SEMA6A: variants seen among roughly 807,000 people sequenced by gnomAD.
The protein encoded by SEMA6A is semaphorin 6A.
SEMA6A carries 25 observed loss-of-function variants against 96.8 expected under a neutral mutation model. The ratio of observed to expected loss-of-function variants is 0.26; its 90% CI spans 0.19 to 0.36. The LOEUF (loss-of-function observed/expected upper bound fraction) is 0.36. Among genes scored for constraint, SEMA6A ranks in the 10% least tolerant of loss-of-function variants. The pLI, the probability that SEMA6A is intolerant of heterozygous loss-of-function variation, is 1.00. For synonymous variants in SEMA6A, 612 were observed against 518.0 expected, an observed-to-expected ratio of 1.18 and a Z score of -2.46; for missense variants, 1,363 against 1,323.1, an observed-to-expected ratio of 1.03 and a Z score of -0.47.
At chr5:116,475,063 C>G (rs1285824342) in intron 16 of SEMA6A, among the ~76,000 whole-genome samples, 3 of 151,906 alleles carry the variant, frequency 2.0e-5, no homozygotes, top group African/African-American at 4.8e-5. Context: ...ATTTTTTTTC[C>G]TATTACATAT....
intron 18 of SEMA6A, among the ~76,000 whole-genome samples, chr5:116,450,280 C>G (rs1754540729): frequency 6.6e-6 from 1 of 152,158 alleles, no homozygotes; most frequent in Non-Finnish European, 1.5e-5. Flanking sequence ...TTTTTCATGG[C>G]AATGAGTATT....
intron 10 of SEMA6A, among the ~76,000 whole-genome samples, chr5:116,484,668 A>G (rs541192512): frequency 2.0e-5 from 3 of 152,118 alleles, no homozygotes; most frequent in African/African-American, 4.8e-5. Context: ...CATAACAACA[A>G]CATCTTCAGG....
intron 15 of SEMA6A, 130 bp downstream of exon 15, chr5:116,477,716 C>G: frequency 3.5e-6 from 3 of 850,992 alleles, no homozygotes; most frequent in Non-Finnish European, 3.8e-6. Flanking sequence ...AGGAGAAAGG[C>G]TGACAGTCCC....
At chr5:116,495,212 A>G (rs1033005659) in intron 6 of SEMA6A, among the ~76,000 whole-genome samples, 1 of 152,218 alleles carries the variant, frequency 6.6e-6, no homozygotes, top group African/African-American at 2.4e-5. Flanking sequence ...GGCTCTTTAA[A>G]GATGTGTCAA....
At chr5:116,521,159 G>GC (rs1437417792) in intron 1 of SEMA6A, among the ~76,000 whole-genome samples, 1 of 152,176 alleles carries the variant, frequency 6.6e-6, no homozygotes, top group Non-Finnish European at 1.5e-5. Flanking sequence ...GAGACATCCA[G>GC]CATCTATACA....
intron 1 of SEMA6A, among the ~76,000 whole-genome samples, chr5:116,520,097 T>C (rs1758863861): frequency 6.6e-6 from 1 of 152,158 alleles, no homozygotes; most frequent in Admixed American, 6.6e-5. Context: ...ATTCCCACTC[T>C]GTTCCAGCCC....
chr5:116,543,398 A>G (rs1396941095), intron 1 of SEMA6A, among the ~76,000 whole-genome samples: 3 of 152,214 alleles, frequency 2.0e-5, no homozygotes, highest in African/African-American at 7.2e-5. Context: ...GATGTGTATT[A>G]AACTTCCATT....
intron 10 of SEMA6A, among the ~76,000 whole-genome samples, chr5:116,485,667 C>A (rs181209015): frequency 6.6e-6 from 1 of 152,172 alleles, no homozygotes; most frequent in East Asian, 1.9e-4. Context: ...CATTTTGGTG[C>A]CTGTCATTTA....
At chr5:116,515,349 G>T (rs374535592) in intron 1 of SEMA6A, among the ~76,000 whole-genome samples, 5 of 152,186 alleles carry the variant, frequency 3.3e-5, no homozygotes, top group Non-Finnish European at 7.3e-5. Flanking sequence ...CAGAGAAGAA[G>T]GGGTGGGGGA....
intron 16 of SEMA6A, 41 bp downstream of exon 16, chr5:116,475,504 T>C: frequency 6.9e-7 from 1 of 1,449,040 alleles, no homozygotes; most frequent in East Asian, 2.4e-5. Context: ...ACTGAAAGCA[T>C]CTTTGCCCAA....
chr5:116,568,951 A>ACT (rs1437829737), intron 1 of SEMA6A, among the ~76,000 whole-genome samples: 1 of 152,204 alleles, frequency 6.6e-6, no homozygotes, highest in Admixed American at 6.5e-5. Flanking sequence ...TAAAATAAAG[A>ACT]CTAGTTGTTT....
At chr5:116,548,920 G>T (rs1260248296) in intron 1 of SEMA6A, among the ~76,000 whole-genome samples, 1 of 152,168 alleles carries the variant, frequency 6.6e-6, no homozygotes, top group Non-Finnish European at 1.5e-5. Flanking sequence ...CTAGAAAGAA[G>T]TATACAACAA....
At chr5:116,525,237 C>T (rs1759170457) in intron 1 of SEMA6A, among the ~76,000 whole-genome samples, 1 of 152,160 alleles carries the variant, frequency 6.6e-6, no homozygotes, top group Admixed American at 6.5e-5. Context: ...TTCTAGTGGG[C>T]TTCCACCCTA....
chr5:116,570,060 T>C (rs1472002427), intron 1 of SEMA6A, among the ~76,000 whole-genome samples: 1 of 152,206 alleles, frequency 6.6e-6, no homozygotes, highest in African/African-American at 2.4e-5. Context: ...CAAAGCAAGA[T>C]ACCCTTGTGT....
At chr5:116,466,059 T>TA (rs35801222) in intron 18 of SEMA6A, among the ~76,000 whole-genome samples, 4,853 of 93,498 alleles carry the variant, frequency 0.052, 146 homozygotes, top group Admixed American at 0.1. Context: ...AAAACCAGCT[T>TA]AAAAAAAAAA....
At chr5:116,480,019 G>C (rs1756670479) in intron 12 of SEMA6A, 103 bp downstream of exon 12, 3 of 1,349,480 alleles carry the variant, frequency 2.2e-6, no homozygotes, top group African/African-American at 1.4e-5. Flanking sequence ...GCCCAGGATA[G>C]CAGAAGATGT....
chr5:116,569,332 C>T lies in SEMA6A; in HGVS notation c.-39+4853G>A, dbSNP rs140746283. 3.8e-4 allele frequency among the ~76,000 whole-genome samples: 58 copies of T among 152,214 alleles called. No individual in the cohort carries two copies. The East Asian group carries it at 7.4e-3, about 19-fold the overall frequency. ...CAAGGCATGAAAGAGTAAGTCCTTG[C>T]AAAGGACCCCAAGTATATGCCATGC... On this transcript the variant is annotated intron_variant, in intron 1 of 18. Coordinates refer to ENST00000343348, the MANE Select transcript of SEMA6A (RefSeq NM_020796.5).
intron 1 of SEMA6A, among the ~76,000 whole-genome samples, chr5:116,545,221 C>T (rs1760134370): frequency 1.3e-5 from 2 of 152,186 alleles, no homozygotes; most frequent in African/African-American, 2.4e-5. Flanking sequence ...TGCGGTCTGG[C>T]TCCAGCCAAT....
intron 18 of SEMA6A, among the ~76,000 whole-genome samples, chr5:116,452,716 C>T (rs17139820): frequency 0.27 from 41,245 of 152,076 alleles, 7,228 homozygotes; most frequent in African/African-American, 0.5. Flanking sequence ...GATACTATTC[C>T]GTGCAAAGGG....
Sources: gnomAD v4.1 joint callset for allele counts (sites outside exome capture counted in the v4.1 genomes callset) on GRCh38, gnomAD v4.1.1 for gene constraint, MANE v1.5 for transcripts, NCBI Gene and HGNC (gene_info 2026-07-23, HGNC 2026-07-21) for gene names.